Variants in TRAF3IP1 observed in about 807,000 individuals in gnomAD.
TRAF3IP1 encodes the protein intraflagellar transport 54, also known as TRAF3-interacting protein 1.
TRAF3IP1 carries 53 observed loss-of-function variants against 89.9 expected under a neutral mutation model. The ratio of observed to expected loss-of-function variants is 0.59; its 90% CI spans 0.47 to 0.74. The LOEUF (loss-of-function observed/expected upper bound fraction) is 0.74, where lower values mean the gene tolerates loss of function less well. Among genes scored for constraint, TRAF3IP1 ranks in the 30% least tolerant of loss-of-function variants. TRAF3IP1 has a pLI of 0.00. For missense variants in TRAF3IP1, 806 were observed against 866.1 expected, an observed-to-expected ratio of 0.93 and a Z score of 0.87; for synonymous variants, 311 against 322.1, an observed-to-expected ratio of 0.97 and a Z score of 0.37.
At chr2:238,336,294 C>G (rs981858109) in intron 7 of TRAF3IP1, among the ~76,000 whole-genome samples, 1 of 152,156 alleles carries the variant, frequency 6.6e-6, no homozygotes, top group Admixed American at 6.5e-5. Context: ...CACTGAGCTT[C>G]CCTGAGCTAT....
At chr2:238,353,674 T>C (rs987700081) in intron 14 of TRAF3IP1, among the ~76,000 whole-genome samples, 1 of 152,164 alleles carries the variant, frequency 6.6e-6, no homozygotes, top group Non-Finnish European at 1.5e-5. Context: ...TTTATAGATC[T>C]GTTCTCACAA....
intron 5 of TRAF3IP1, among the ~76,000 whole-genome samples, chr2:238,331,825 C>T (rs887246302): frequency 3.3e-5 from 5 of 152,218 alleles, no homozygotes; most frequent in Non-Finnish European, 5.9e-5. Flanking sequence ...CACATCTACG[C>T]TGGGGAGGCA....
chr2:238,322,771 T>C (rs1697621401), intron 1 of TRAF3IP1, among the ~76,000 whole-genome samples: 1 of 149,696 alleles, frequency 6.7e-6, no homozygotes, highest in Non-Finnish European at 1.5e-5. Flanking sequence ...ATGTTCCCAA[T>C]TAGGAACGAC....
intron 15 of TRAF3IP1, among the ~76,000 whole-genome samples, chr2:238,384,121 C>T (rs2106368289): frequency 6.6e-6 from 1 of 152,218 alleles, no homozygotes. Context: ...CATGCTCCTC[C>T]ATGTAGACTC....
intron 15 of TRAF3IP1, among the ~76,000 whole-genome samples, chr2:238,396,337 C>T (rs1701215289): frequency 7.8e-6 from 1 of 128,666 alleles, no homozygotes; most frequent in Non-Finnish European, 1.5e-5. Flanking sequence ...AATGAGAACA[C>T]ATGGACACAG....
At chr2:238,330,076 G>T (rs1698045898) in intron 5 of TRAF3IP1, among the ~76,000 whole-genome samples, 1 of 152,182 alleles carries the variant, frequency 6.6e-6, no homozygotes, top group African/African-American at 2.4e-5. Context: ...TGTGTCATTT[G>T]TGTCACTCTC....
At chr2:238,330,342 T>C (rs1698058933) in intron 5 of TRAF3IP1, among the ~76,000 whole-genome samples, 1 of 152,234 alleles carries the variant, frequency 6.6e-6, no homozygotes, top group Non-Finnish European at 1.5e-5. Context: ...TCAAACTGTT[T>C]TCTCAATGTG....
intron 15 of TRAF3IP1, among the ~76,000 whole-genome samples, chr2:238,380,966 G>A (rs1439536363): frequency 6.6e-6 from 1 of 152,102 alleles, no homozygotes; most frequent in Non-Finnish European, 1.5e-5. Flanking sequence ...TTGAGTGCTT[G>A]AAACCAGTTT....
At chr2:238,325,233 G>GACATCC (rs1211756356) in intron 1 of TRAF3IP1, 73 bp from the exon 2 acceptor site, 6 of 1,390,646 alleles carry the variant, frequency 4.3e-6, no homozygotes, top group Non-Finnish European at 6.1e-6. Context: ...TCCCAAGTGT[G>GACATCC]GAGTTGAGTG....
At chr2:238,386,792 C>T (rs927190197) in intron 15 of TRAF3IP1, among the ~76,000 whole-genome samples, 3 of 152,200 alleles carry the variant, frequency 2.0e-5, no homozygotes, top group African/African-American at 7.2e-5. Context: ...TTTGCCTTGA[C>T]CACAGTGACC....
chr2:238,377,407 T>TTC (rs1340277888), intron 15 of TRAF3IP1, among the ~76,000 whole-genome samples: 53 of 147,552 alleles, frequency 3.6e-4, no homozygotes, highest in Admixed American at 1.3e-3. Flanking sequence ...TTTTGTAGGT[T>TTC]CCCCCCCCAC....
intron 14 of TRAF3IP1, among the ~76,000 whole-genome samples, chr2:238,353,919 G>A (rs1232362087): frequency 2.0e-5 from 3 of 152,082 alleles, no homozygotes; most frequent in African/African-American, 4.8e-5. Context: ...GACTACAGGC[G>A]TGCACCACTA....
chr2:238,320,796 GGGACC>G lies in TRAF3IP1; in HGVS notation c.123+14_123+18del. On this transcript the variant is annotated intron_variant, in intron 1 of 16. Transcript: ENST00000373327. ...GACATCATCACGGAGGTGGGCGCCG[GGGACC>G]GGGCCCGGCCAGGTGCGGGTCGGGA... is the stretch of plus-strand genomic sequence containing the variant. 2 of 1,408,114 alleles carry G rather than the reference GGGACC, an allele frequency of 1.4e-6. No homozygotes were observed. Among genetic ancestry groups the G allele is most frequent in the Non-Finnish European group, 1.9e-6 (2 of 1,065,162 alleles). 87.2% of individuals were successfully genotyped at this position (1,408,114 alleles called of 1,614,324 possible). A position where few individuals can be genotyped will look rare whatever the true frequency, so the allele number is the denominator to read the frequency against.
At chr2:238,344,380 T>TA in intron 8 of TRAF3IP1, 117 bp from the exon 9 acceptor site, 2 of 800,776 alleles carry the variant, frequency 2.5e-6, no homozygotes, top group Non-Finnish European at 4.1e-6. Flanking sequence ...TTGTCAGTCC[T>TA]AACTTGCAGT....
At chr2:238,361,109 G>T (rs1699638841) in intron 15 of TRAF3IP1, among the ~76,000 whole-genome samples, 1 of 149,484 alleles carries the variant, frequency 6.7e-6, no homozygotes. Context: ...GCAGTGGTCT[G>T]AATCTCGGCT....
In TRAF3IP1 at chr2:238,351,515, C is replaced by T. The variant is rs553447721; in HGVS notation, c.1452-1312C>T. Reference sequence around the variant, plus strand: ...GGAAGCTGTGTCCTGGAGAGCAAGGCGGGACAGAGAGGGCCTGCCGATCAC... The same window carrying T: ...GGAAGCTGTGTCCTGGAGAGCAAGGTGGGACAGAGAGGGCCTGCCGATCAC... On this transcript the variant is annotated intron_variant, in intron 12 of 16. Transcript: ENST00000373327. This position sits in a 1 kb window ranked among gnomAD's most constrained non-coding sequence, Gnocchi z 5.2. Among the ~76,000 whole-genome samples, 3 of 152,060 alleles carry T rather than the reference C, an allele frequency of 2.0e-5. No homozygotes were observed. Among genetic ancestry groups the T allele is most frequent in the African/African-American group, 2.4e-5 (1 of 41,454 alleles).
chr2:238,347,564 A>G (rs1293004560), intron 10 of TRAF3IP1, 89 bp downstream of exon 10: 31 of 1,333,638 alleles, frequency 2.3e-5, no homozygotes, highest in Middle Eastern at 1.8e-4. Context: ...CATGCTTTAT[A>G]AAGTGCATTA....
chr2:238,332,732 G>A, intron 5 of TRAF3IP1, 92 bp from the exon 6 acceptor site: 1 of 926,294 alleles, frequency 1.1e-6, no homozygotes, highest in Non-Finnish European at 1.7e-6. Flanking sequence ...TGATTTCACT[G>A]TTGGTCAGTG....
chr2:238,351,894 C>A lies in TRAF3IP1; in HGVS notation c.1452-933C>A, dbSNP rs916463745. On this transcript the variant is annotated intron_variant, in intron 12 of 16. Coordinates refer to ENST00000373327, the MANE Select transcript of TRAF3IP1 (RefSeq NM_015650.4). This position sits in a 1 kb window ranked among gnomAD's most constrained non-coding sequence, Gnocchi z 5.2. ...GCGCGCGCGCGTGTGCGTGCATGTG[C>A]TTGTGTGTATGCGTGTGTGTGTGTG... 2.0e-5 allele frequency among the ~76,000 whole-genome samples: 3 copies of A among 147,976 alleles called. No homozygotes were observed. The highest frequency in any genetic ancestry group is 2.0e-4 in the Admixed American group (3 of 14,900).
Sources: gnomAD v4.1 joint callset for allele counts (sites outside exome capture counted in the v4.1 genomes callset) on GRCh38, gnomAD v4.1.1 for gene constraint, Gnocchi (gnomAD v3.1) non-coding constraint, MANE v1.5 for transcripts, NCBI Gene and HGNC (gene_info 2026-07-23, HGNC 2026-07-21) for gene names.